The following CNTN4 variants were observed in gnomAD, a reference collection of about 807,000 sequenced individuals.
CNTN4 encodes contactin-4.
A neutral mutation model predicts 122.5 loss-of-function variants in CNTN4; 77 were observed. The ratio of observed to expected loss-of-function variants is 0.63; its 90% CI spans 0.52 to 0.76. CNTN4 has a LOEUF of 0.76. Ranked by LOEUF, CNTN4 falls within the 30% of genes least tolerant of loss-of-function variation. The pLI, the probability that CNTN4 is intolerant of heterozygous loss-of-function variation, is 0.00. For missense variants in CNTN4, 1,256 were observed against 1,259.1 expected, an observed-to-expected ratio of 1.00 and a Z score of 0.04; for synonymous variants, 512 against 447.0, an observed-to-expected ratio of 1.15 and a Z score of -1.83.
chr3:2,848,230 C>A (rs2093488561), intron 7 of CNTN4, among the ~76,000 whole-genome samples: 1 of 151,816 alleles, frequency 6.6e-6, no homozygotes, highest in Admixed American at 6.6e-5. Context: ...CAGAGTGAGA[C>A]CCTGTCTCAA....
intron 2 of CNTN4, among the ~76,000 whole-genome samples, chr3:2,296,530 A>G (rs999816538): frequency 1.3e-5 from 2 of 152,188 alleles, no homozygotes; most frequent in Non-Finnish European, 2.9e-5. Flanking sequence ...TTGACAAGTA[A>G]TAACTATTTG....
intron 3 of CNTN4, among the ~76,000 whole-genome samples, chr3:2,359,506 G>A (rs2045024033): frequency 6.6e-6 from 1 of 152,072 alleles, no homozygotes; most frequent in African/African-American, 2.4e-5. Context: ...ATCCAAACTA[G>A]CATGTGCTTA....
At chr3:2,124,316 A>C (rs2033988272) in intron 2 of CNTN4, among the ~76,000 whole-genome samples, 1 of 152,150 alleles carries the variant, frequency 6.6e-6, no homozygotes, top group Non-Finnish European at 1.5e-5. Flanking sequence ...AGGTCAACTC[A>C]GTATGTTATT....
chr3:2,694,868 A>G (rs1279606549), intron 4 of CNTN4, among the ~76,000 whole-genome samples: 1 of 152,228 alleles, frequency 6.6e-6, no homozygotes, highest in Non-Finnish European at 1.5e-5. Flanking sequence ...TAGACCTCAC[A>G]ACGTTTGTTT....
intron 7 of CNTN4, among the ~76,000 whole-genome samples, chr3:2,821,519 C>A (rs2092872468): frequency 6.6e-6 from 1 of 152,148 alleles, no homozygotes; most frequent in Non-Finnish European, 1.5e-5. Context: ...GCCTCCATGT[C>A]ATTGATCACC....
chr3:2,600,002 A>ATTTTTTTTT (rs2080953025), intron 4 of CNTN4, among the ~76,000 whole-genome samples: 5 of 50,096 alleles, frequency 1.0e-4, no homozygotes, highest in Non-Finnish European at 1.6e-4. Context: ...GGTTTATGGA[A>ATTTTTTTTT]TTCTTCTTTT....
intron 23 of CNTN4, among the ~76,000 whole-genome samples, chr3:3,045,638 T>G (rs952323270): frequency 5.9e-5 from 9 of 152,106 alleles, no homozygotes; most frequent in Admixed American, 3.3e-4. Context: ...TACGTCACCA[T>G]CATCAAAGAC....
chr3:2,586,690 C>T (rs1161165438), intron 4 of CNTN4, among the ~76,000 whole-genome samples: 1 of 152,224 alleles, frequency 6.6e-6, no homozygotes, highest in Non-Finnish European at 1.5e-5. Flanking sequence ...ATAGCTTCCT[C>T]CTCAGTTACT....
intron 2 of CNTN4, among the ~76,000 whole-genome samples, chr3:2,139,214 G>T (rs934947655): frequency 2.0e-5 from 3 of 152,056 alleles, no homozygotes; most frequent in Admixed American, 2.0e-4. Context: ...CTAGGCCAAA[G>T]AAAATACTCA....
chr3:2,127,548 AT>A (rs1478106968), intron 2 of CNTN4, among the ~76,000 whole-genome samples: 2 of 152,174 alleles, frequency 1.3e-5, no homozygotes, highest in African/African-American at 2.4e-5. Context: ...TTTAAAAAAA[AT>A]CAAGAATATT....
chr3:2,324,808 C>CCCGCCAGCCCCCAACTT (rs2043396331), intron 2 of CNTN4, among the ~76,000 whole-genome samples: 1 of 151,746 alleles, frequency 6.6e-6, no homozygotes, highest in Non-Finnish European at 1.5e-5. Flanking sequence ...AATTTCTACC[C>CCCGCCAGCCCCCAACTT]TCCCCTAGCC....
At chr3:2,788,353 T>A (rs905322875) in intron 6 of CNTN4, among the ~76,000 whole-genome samples, 17 of 152,176 alleles carry the variant, frequency 1.1e-4, no homozygotes, top group African/African-American at 4.1e-4. Flanking sequence ...TTGGAATTAT[T>A]TAACCCAATG....
chr3:2,674,555 G>C (rs1039369842), intron 4 of CNTN4, among the ~76,000 whole-genome samples: 1 of 152,158 alleles, frequency 6.6e-6, no homozygotes, highest in African/African-American at 2.4e-5. Flanking sequence ...TCAGGAGTTC[G>C]AGACCAGCCT....
At chr3:2,642,556 C>A (rs1281447609) in intron 4 of CNTN4, among the ~76,000 whole-genome samples, 1 of 152,160 alleles carries the variant, frequency 6.6e-6, no homozygotes. Flanking sequence ...CCTGCCTGAC[C>A]ATGTTTTTTA....
intron 4 of CNTN4, among the ~76,000 whole-genome samples, chr3:2,674,685 G>T (rs1440485643): frequency 6.6e-6 from 1 of 152,092 alleles, no homozygotes; most frequent in Non-Finnish European, 1.5e-5. Context: ...CTGAACCCGG[G>T]AGGCGGAGGT....
chr3:2,595,946 G>T (rs768582369), intron 4 of CNTN4, among the ~76,000 whole-genome samples: 95 of 152,246 alleles, frequency 6.2e-4, no homozygotes, highest in Middle Eastern at 6.8e-3. Context: ...TATGTGGGTG[G>T]CATTGCACTA....
chr3:2,306,837 C>T (rs2042726157), intron 2 of CNTN4, among the ~76,000 whole-genome samples: 1 of 151,886 alleles, frequency 6.6e-6, no homozygotes, highest in African/African-American at 2.4e-5. Context: ...CTTTAATATA[C>T]TGATTTTATT....
intron 2 of CNTN4, among the ~76,000 whole-genome samples, chr3:2,122,397 T>C (rs953828449): frequency 1.8e-4 from 28 of 152,160 alleles, no homozygotes; most frequent in African/African-American, 6.5e-4. Flanking sequence ...AATGATGGCA[T>C]GGAATATTTT....
chr3:2,936,765 C>A (rs1195512578), intron 13 of CNTN4, among the ~76,000 whole-genome samples: 1 of 152,146 alleles, frequency 6.6e-6, no homozygotes, highest in Non-Finnish European at 1.5e-5. Flanking sequence ...AGTTGGCAAG[C>A]TGAGAATGGT....
Sources: gnomAD v4.1 joint callset for allele counts (sites outside exome capture counted in the v4.1 genomes callset) on GRCh38, gnomAD v4.1.1 for gene constraint, MANE v1.5 for transcripts, NCBI Gene and HGNC (gene_info 2026-07-23, HGNC 2026-07-21) for gene names.